Variants in PCSK6 observed in about 807,000 individuals in gnomAD.
PCSK6 encodes the protein proprotein convertase subtilisin/kexin type 6, also known as paired basic amino acid cleaving enzyme 4.
PCSK6 carries 85 observed loss-of-function variants against 123.3 expected under a neutral mutation model. The observed-to-expected ratio is 0.69, with a 90% CI of 0.58 to 0.83. The LOEUF is 0.83. Ranked by LOEUF, PCSK6 falls within the 40% of genes least tolerant of loss-of-function variation. PCSK6 has a pLI of 0.00. For synonymous variants in PCSK6, 508 were observed against 516.0 expected, an observed-to-expected ratio of 0.98 and a Z score of 0.21; for missense variants, 1,191 against 1,282.3, an observed-to-expected ratio of 0.93 and a Z score of 1.09.
intron 6 of PCSK6, among the ~76,000 whole-genome samples, chr15:101,403,701 G>A (rs1265733208): frequency 6.6e-6 from 1 of 151,816 alleles, no homozygotes; most frequent in Non-Finnish European, 1.5e-5. Flanking sequence ...GATTATTCAT[G>A]CCATTGCCTT....
chr15:101,438,238 CT>C (rs1375324384), intron 2 of PCSK6, among the ~76,000 whole-genome samples: 12 of 152,368 alleles, frequency 7.9e-5, no homozygotes, highest in African/African-American at 2.9e-4. Flanking sequence ...CATGCAGTCA[CT>C]GTCTGTACCT....
chr15:101,331,268 T>G lies in PCSK6; in HGVS notation c.2077+383A>C, dbSNP rs530474941. Among the ~76,000 whole-genome samples, 265 of 152,378 alleles carry G rather than the reference T, an allele frequency of 1.7e-3. 1 individual carries two copies. Among genetic ancestry groups the G allele is most frequent in the African/African-American group, 5.5e-3 (230 of 41,586 alleles). On this transcript the variant is annotated intron_variant, in intron 15 of 21. Coordinates refer to ENST00000611716, the MANE Select transcript of PCSK6 (RefSeq NM_002570.5). ...ATTCATGCAGGGCCTTTTTAGATGC[T>G]GTAAGATTTTCAAGGCATCTGTGAA...
At chr15:101,336,125 C>T (rs543108014) in intron 13 of PCSK6, among the ~76,000 whole-genome samples, 1 of 152,372 alleles carries the variant, frequency 6.6e-6, no homozygotes, top group East Asian at 1.9e-4. Context: ...GGAGCAACTA[C>T]TTGAGGTGAG....
At chr15:101,391,415 G>A (rs2042230652) in intron 8 of PCSK6, among the ~76,000 whole-genome samples, 1 of 152,238 alleles carries the variant, frequency 6.6e-6, no homozygotes, top group Admixed American at 6.5e-5. Context: ...TGGGGAGCGA[G>A]CAGAGGGGCC....
At chr15:101,320,812 C>T (rs977716288) in intron 18 of PCSK6, among the ~76,000 whole-genome samples, 6 of 152,320 alleles carry the variant, frequency 3.9e-5, no homozygotes, top group South Asian at 2.1e-4. Context: ...GGGCAATAAA[C>T]GGAAGCTCTC....
chr15:101,386,781 C>CAT (rs2042077588), intron 9 of PCSK6, among the ~76,000 whole-genome samples: 1 of 152,252 alleles, frequency 6.6e-6, no homozygotes, highest in Non-Finnish European at 1.5e-5. Flanking sequence ...TGTTGTGAAC[C>CAT]ATGCTGCCAT....
chr15:101,347,643 A>G, intron 13 of PCSK6: 1 of 1,574,486 alleles, frequency 6.4e-7, no homozygotes, highest in Non-Finnish European at 8.7e-7. Context: ...TGAGAGATCC[A>G]GCTCTGGACT....
rs567097585 is a variant in PCSK6 at position 101,366,596 on chromosome 15, T to C, written c.1722-264A>G. ...AGAGGAAGGCAGGCAGGCAGGCAGGTTTCATATAACCCAGTGAAAGATGTT... is the reference window on the plus strand; with the variant it reads ...AGAGGAAGGCAGGCAGGCAGGCAGGCTTCATATAACCCAGTGAAAGATGTT... On this transcript the variant is annotated intron_variant, in intron 12 of 21. Transcript: ENST00000611716. Among the ~76,000 whole-genome samples, 7 of 152,126 alleles carry C rather than the reference T, an allele frequency of 4.6e-5. No individual in the cohort carries two copies. In the East Asian group the frequency reaches 1.4e-3, roughly 29 times the overall value.
chr15:101,484,122 GA>G (rs1032782189), intron 1 of PCSK6, among the ~76,000 whole-genome samples: 2 of 149,362 alleles, frequency 1.3e-5, no homozygotes, highest in African/African-American at 2.6e-5. Context: ...CTGATACAAA[GA>G]AAAAAAGTAC....
At chr15:101,489,309 G>T in intron 1 of PCSK6, 65 bp downstream of exon 1, 1 of 1,003,444 alleles carries the variant, frequency 1.0e-6, no homozygotes, top group Non-Finnish European at 1.2e-6. Flanking sequence ...CTGCGGAGGC[G>T]CCCCCCTCGC....
intron 6 of PCSK6, among the ~76,000 whole-genome samples, chr15:101,400,048 G>A (rs67871269): frequency 0.087 from 13,292 of 151,936 alleles, 783 homozygotes; most frequent in East Asian, 0.22. Context: ...TTTACAGATG[G>A]GGTCTCACTC....
In PCSK6 at chr15:101,326,394, C is replaced by A; in HGVS notation, c.2163G>T (p.Gly721=). The A allele has an allele frequency of 6.3e-7, 1 of 1,575,694 alleles. No homozygotes were observed. Among genetic ancestry groups the A allele is most frequent in the Admixed American group, 1.8e-5 (1 of 54,630 alleles). Residue 721 remains glycine, a synonymous_variant, in exon 16 of 22, where the codon GGG becomes GGT. Coordinates refer to ENST00000611716, the MANE Select transcript of PCSK6 (RefSeq NM_002570.5). ...TGCATTACCTGCTGGTCTTGACACT[C>A]CCCAGGCTGAAGTGGACGCAGTTCA... ...QCLNCVHFSL[G]SVKTSRKCVS...
chr15:101,346,738 T>C (rs1008506152), intron 13 of PCSK6: 1 of 1,225,810 alleles, frequency 8.2e-7, no homozygotes, highest in African/African-American at 1.6e-5. Flanking sequence ...ATTTTCATTT[T>C]CATCAATGTT....
chr15:101,435,189 C>T (rs2056563129), intron 2 of PCSK6, among the ~76,000 whole-genome samples: 1 of 152,046 alleles, frequency 6.6e-6, no homozygotes, highest in African/African-American at 2.4e-5. Flanking sequence ...GTGTCACCAG[C>T]CCCAAACCAA....
chr15:101,454,996 A>G (rs1488122535), intron 1 of PCSK6, among the ~76,000 whole-genome samples: 1 of 151,818 alleles, frequency 6.6e-6, no homozygotes, highest in Non-Finnish European at 1.5e-5. Flanking sequence ...ATAAATAAAT[A>G]AAAGGGTACA....
chr15:101,384,507 A>G, intron 9 of PCSK6, 82 bp from the exon 10 acceptor site: 1 of 1,163,506 alleles, frequency 8.6e-7, no homozygotes, highest in Non-Finnish European at 1.2e-6. Context: ...GGGGGTCGGC[A>G]GCCAACCCAC....
chr15:101,347,400 C>G, intron 13 of PCSK6: 2 of 1,236,552 alleles, frequency 1.6e-6, no homozygotes, highest in Non-Finnish European at 2.0e-6. Flanking sequence ...ATCAAGAATT[C>G]ATGGAACTTT....
chr15:101,337,138 G>A (rs1454274911), intron 13 of PCSK6: 1 of 152,054 alleles, frequency 6.6e-6, no homozygotes, highest in Middle Eastern at 3.2e-3. Flanking sequence ...CTGAGTAGCT[G>A]GGACTACAGG....
chr15:101,390,354 G>GC (rs5815009), intron 8 of PCSK6, among the ~76,000 whole-genome samples: 92,609 of 112,800 alleles, frequency 0.82, 38,226 homozygotes, highest in African/African-American at 0.86. Context: ...TGGGATTGTC[G>GC]CCCCATCATC....
Sources: gnomAD v4.1 joint callset for allele counts (sites outside exome capture counted in the v4.1 genomes callset) on GRCh38, gnomAD v4.1.1 for gene constraint, MANE v1.5 for transcripts, NCBI Gene and HGNC (gene_info 2026-07-23, HGNC 2026-07-21) for gene names.